NEK6: variants seen among roughly 807,000 people sequenced by gnomAD.
NEK6 encodes the protein serine/threonine-protein kinase Nek6.
Under a neutral mutation model 43.5 loss-of-function variants are expected in NEK6, and 27 were observed. The ratio of observed to expected loss-of-function variants is 0.62; its 90% CI spans 0.46 to 0.86. The LOEUF is 0.86. Ranked by LOEUF, NEK6 falls within the 40% of genes least tolerant of loss-of-function variation. The pLI is 0.00. For synonymous variants in NEK6, 167 were observed against 164.1 expected, an observed-to-expected ratio of 1.02 and a Z score of -0.14; for missense variants, 318 against 414.4, an observed-to-expected ratio of 0.77 and a Z score of 2.02.
At chr9:124,292,553 A>G (rs1191663331) in intron 1 of NEK6, 4 of 1,536,826 alleles carry the variant, frequency 2.6e-6, no homozygotes, top group Non-Finnish European at 3.5e-6. Flanking sequence ...AGTTTTTTAC[A>G]AACACCGAAG....
intron 1 of NEK6, among the ~76,000 whole-genome samples, chr9:124,280,513 C>A (rs908950993): frequency 6.6e-6 from 1 of 152,232 alleles, no homozygotes; most frequent in Non-Finnish European, 1.5e-5. Context: ...ACATTCCTCA[C>A]GCTCATGCGA....
chr9:124,278,077 T>C (rs1352829739), intron 1 of NEK6, among the ~76,000 whole-genome samples: 1 of 152,192 alleles, frequency 6.6e-6, no homozygotes, highest in Non-Finnish European at 1.5e-5. Context: ...AATGCCATCT[T>C]TTGACTGTAC....
At chr9:124,339,792 G>T in intron 8 of NEK6, 127 bp downstream of exon 8, 2 of 708,082 alleles carry the variant, frequency 2.8e-6, no homozygotes, top group Non-Finnish European at 5.1e-6. Context: ...TGAGGCATCG[G>T]TACCACCAGG....
intron 2 of NEK6, among the ~76,000 whole-genome samples, chr9:124,305,631 G>T (rs1006395215): frequency 7.2e-5 from 11 of 151,976 alleles, no homozygotes; most frequent in Admixed American, 6.5e-5. Context: ...TTTTTTTGGG[G>T]TTTTTTTCCT....
chr9:124,281,496 T>C (rs954834853), intron 1 of NEK6, among the ~76,000 whole-genome samples: 1,399 of 137,392 alleles, frequency 0.01, 28 homozygotes, highest in African/African-American at 0.036. Context: ...TCTTTTTTTT[T>C]TTTTTTTTTT....
intron 1 of NEK6, among the ~76,000 whole-genome samples, chr9:124,295,179 T>C (rs773004133): frequency 6.6e-6 from 1 of 152,232 alleles, no homozygotes; most frequent in Non-Finnish European, 1.5e-5. Flanking sequence ...CCTGCATCCC[T>C]GCACCTTAGA....
Position 124,343,967 on chromosome 9 carries a change from A to G in NEK6, c.718-3742A>G, listed in dbSNP as rs1487514669. On this transcript the variant is annotated intron_variant, in intron 8 of 9. Coordinates refer to ENST00000320246, the MANE Select transcript of NEK6 (RefSeq NM_014397.6). This position sits in a 1 kb window ranked among gnomAD's most constrained non-coding sequence, Gnocchi z 5.1. ...GAGGATTCTGGAGGCCAGATGTCCA[A>G]AATCAGTCTCGCTGGGCTAAGTCAA... Among the ~76,000 whole-genome samples, 3 of 152,218 alleles carry G rather than the reference A, an allele frequency of 2.0e-5. No homozygotes were observed. The highest frequency in any genetic ancestry group is 7.2e-5 in the African/African-American group (3 of 41,450).
intron 1 of NEK6, among the ~76,000 whole-genome samples, chr9:124,283,796 G>C (rs913968343): frequency 6.6e-6 from 1 of 152,220 alleles, no homozygotes; most frequent in African/African-American, 2.4e-5. Flanking sequence ...GCTGCTTCCC[G>C]TTCCGAGGAA....
intron 1 of NEK6, chr9:124,292,671 C>T: frequency 7.7e-7 from 1 of 1,298,918 alleles, no homozygotes; most frequent in Non-Finnish European, 1.1e-6. Flanking sequence ...AAGCCCCAGC[C>T]TCTCCCCAGT....
intron 1 of NEK6, among the ~76,000 whole-genome samples, chr9:124,283,508 C>T (rs575791519): frequency 2.0e-5 from 3 of 152,244 alleles, no homozygotes; most frequent in African/African-American, 7.2e-5. Context: ...CCCACCTAGA[C>T]TTGGTATCGC....
Position 124,301,952 on chromosome 9 carries a change from G to T in NEK6, c.-13G>T. ...CTGTTGCAGTTCGTGCCCTCGTGAGGCTGGCATGCAGGATGGCAGGACAGC... is the reference window on the plus strand; with the variant it reads ...CTGTTGCAGTTCGTGCCCTCGTGAGTCTGGCATGCAGGATGGCAGGACAGC... On this transcript the variant is annotated 5_prime_UTR_variant, in exon 2 of 10. Coordinates refer to ENST00000320246, the MANE Select transcript of NEK6 (RefSeq NM_014397.6). 1 of 1,590,136 alleles carries T rather than the reference G, an allele frequency of 6.3e-7. No individual in the cohort carries two copies. Among genetic ancestry groups the T allele is most frequent in the Non-Finnish European group, 8.6e-7 (1 of 1,167,734 alleles).
chr9:124,302,361 C>G (rs188162824), intron 2 of NEK6, among the ~76,000 whole-genome samples: 179 of 152,276 alleles, frequency 1.2e-3, no homozygotes, highest in African/African-American at 4.1e-3. Context: ...TGGAAGGGTA[C>G]AGAGGGTGCT....
Position 124,350,904 on chromosome 9 carries a change from A to G in NEK6, c.899A>G (p.His300Arg), listed in dbSNP as rs542509176. The change falls in exon 10 of 10, where the codon CAC becomes CGC. Residue 300 changes from histidine to arginine, a missense_variant. Physicochemically the swap from His to Arg is conservative, Grantham distance 29 (BLOSUM62 0). This residue lies in a region of NEK6 where 79 missense variants were observed against 70.0 expected (regional missense o/e 1.13). Transcript: ENST00000320246. Reference protein sequence around the residue: ...PHQRPDIGYVHQVAKQMHIWM... With the variant: ...PHQRPDIGYVRQVAKQMHIWM... The stretch of plus-strand genomic sequence containing the variant: ...CAGAGACCTGACATCGGATACGTGC[A>G]CCAGGTGGCCAAGCAGATGCACATC... The G allele has an allele frequency of 1.2e-5, 19 of 1,611,812 alleles. No homozygotes were observed. In the South Asian group the frequency reaches 2.0e-4, roughly 17 times the overall value.
chr9:124,286,718 G>C (rs1832179403), intron 1 of NEK6, among the ~76,000 whole-genome samples: 1 of 152,236 alleles, frequency 6.6e-6, no homozygotes, highest in Non-Finnish European at 1.5e-5. Context: ...GCAGGCCCCA[G>C]GGCATTAGAC....
At chr9:124,307,187 T>C (rs993554909) in intron 2 of NEK6, among the ~76,000 whole-genome samples, 3 of 152,040 alleles carry the variant, frequency 2.0e-5, no homozygotes, top group Admixed American at 1.3e-4. Flanking sequence ...CATTTTAAAC[T>C]CAAATTAGCG....
At chr9:124,263,946 C>T (rs1264660319) in intron 1 of NEK6, among the ~76,000 whole-genome samples, 9 of 152,202 alleles carry the variant, frequency 5.9e-5, no homozygotes, top group East Asian at 1.9e-4. Flanking sequence ...GTGTCAGCCA[C>T]GGTGTGTTAT....
At chr9:124,301,885 C>T in intron 1 of NEK6, 51 bp from the exon 2 acceptor site, 6 of 1,433,666 alleles carry the variant, frequency 4.2e-6, no homozygotes, top group Admixed American at 2.0e-5. Flanking sequence ...GTCCCTCCTC[C>T]TTCTGAGGGT....
chr9:124,328,914 G>A (rs1420426482), intron 7 of NEK6, among the ~76,000 whole-genome samples: 1 of 152,048 alleles, frequency 6.6e-6, no homozygotes, highest in Non-Finnish European at 1.5e-5. Context: ...ACCCCCCAGG[G>A]AGTATGGGAC....
intron 7 of NEK6, among the ~76,000 whole-genome samples, chr9:124,331,332 A>G (rs1828988251): frequency 1.3e-5 from 2 of 150,756 alleles, no homozygotes; most frequent in South Asian, 4.2e-4. Context: ...TTATTATCCC[A>G]TTTTACAGAT....
Sources: allele counts gnomAD v4.1 joint callset (sites outside exome capture counted in the v4.1 genomes callset), GRCh38; gene constraint gnomAD v4.1.1; regional missense constraint gnomAD v4.1.1; non-coding constraint Gnocchi (gnomAD v3.1); transcripts MANE v1.5; gene names NCBI Gene and HGNC (gene_info 2026-07-23, HGNC 2026-07-21).